The following HDAC9 variants were observed in gnomAD, a reference collection of about 807,000 sequenced individuals.
The protein encoded by HDAC9 is histone deacetylase 9.
In HDAC9, 41 loss-of-function variants were observed where a neutral mutation model predicts 139.4. That is an observed-to-expected ratio of 0.29 (90% CI 0.23 to 0.38). The LOEUF (loss-of-function observed/expected upper bound fraction) is 0.38. HDAC9 is among the 10% of genes least tolerant of loss of function. HDAC9 has a pLI of 1.00. For synonymous variants in HDAC9, 517 were observed against 476.2 expected (o/e 1.09, Z -1.12); for missense variants, 1,147 against 1,297.0 (o/e 0.88, Z 1.78).
intron 1 of HDAC9, among the ~76,000 whole-genome samples, chr7:18,478,295 TCTC>T (rs1795283474): frequency 6.6e-6 from 1 of 152,110 alleles, no homozygotes; most frequent in East Asian, 1.9e-4. Context: ...ATGGTCTTGA[TCTC>T]CTGACCTCGG....
intron 1 of HDAC9, among the ~76,000 whole-genome samples, chr7:18,309,899 C>T (rs1799187031): frequency 6.6e-6 from 1 of 151,822 alleles, no homozygotes; most frequent in Non-Finnish European, 1.5e-5. Context: ...GGATGAAATC[C>T]AGGTGGTCCT....
chr7:18,453,770 T>C (rs904011167), intron 1 of HDAC9, among the ~76,000 whole-genome samples: 5 of 152,210 alleles, frequency 3.3e-5, no homozygotes, highest in Admixed American at 3.3e-4. Flanking sequence ...TCAGATATTT[T>C]ATGCAGGTAT....
intron 25 of HDAC9, among the ~76,000 whole-genome samples, chr7:18,982,553 C>T (rs933210246): frequency 9.9e-5 from 15 of 151,910 alleles, no homozygotes; most frequent in African/African-American, 3.6e-4. Context: ...TTTACCAATG[C>T]CACCCTCATA....
At position 18,319,211 on chromosome 7, in the gene HDAC9, G is replaced by A. The variant is rs555884731; in HGVS notation, c.-42+28696G>A. Among the ~76,000 whole-genome samples the A allele has an allele frequency of 2.0e-5, 3 of 152,332 alleles. No individual in the cohort carries two copies. The South Asian group carries it at 6.2e-4, about 32-fold the overall frequency. ...TTTCTTTTTATTCATACTAACTAGA[G>A]TAGTTTCTGTTGCTGGTGAAGATTT... On this transcript the variant is annotated intron_variant, in intron 1 of 3. Coordinates refer to the HDAC9 transcript ENST00000413509.
chr7:18,801,119 T>G (rs1442906506), intron 17 of HDAC9, among the ~76,000 whole-genome samples: 2 of 152,072 alleles, frequency 1.3e-5, no homozygotes, highest in Non-Finnish European at 2.9e-5. Flanking sequence ...TGTATTTCCT[T>G]ATTACATGGG....
At chr7:18,298,225 T>G (rs1357214224) in intron 1 of HDAC9, among the ~76,000 whole-genome samples, 2 of 152,132 alleles carry the variant, frequency 1.3e-5, no homozygotes, top group Non-Finnish European at 2.9e-5. Flanking sequence ...TTCTGATCCA[T>G]ATTTATCTAA....
chr7:18,868,617 C>T (rs1798670918), intron 21 of HDAC9, among the ~76,000 whole-genome samples: 1 of 152,092 alleles, frequency 6.6e-6, no homozygotes, highest in East Asian at 1.9e-4. Flanking sequence ...TCATAACTCC[C>T]ATAGTTCTTG....
intron 2 of HDAC9, among the ~76,000 whole-genome samples, chr7:18,542,946 A>G (rs1309098701): frequency 2.0e-5 from 3 of 152,228 alleles, no homozygotes; most frequent in African/African-American, 7.2e-5. Context: ...GAAATAGCTC[A>G]TGGTATATTT....
At chr7:18,719,868 A>G (rs1785012120) in intron 12 of HDAC9, among the ~76,000 whole-genome samples, 1 of 152,186 alleles carries the variant, frequency 6.6e-6, no homozygotes, top group African/African-American at 2.4e-5. Context: ...TATTTGTTAC[A>G]AAGTCCTTCA....
At chr7:18,768,058 G>C (rs1030953824) in intron 16 of HDAC9, among the ~76,000 whole-genome samples, 32 of 152,082 alleles carry the variant, frequency 2.1e-4, no homozygotes, top group African/African-American at 7.5e-4. Context: ...GTAGCCTTTT[G>C]TTCCTTTGCT....
At chr7:18,523,467 A>G (rs898567267) in intron 2 of HDAC9, among the ~76,000 whole-genome samples, 1 of 152,198 alleles carries the variant, frequency 6.6e-6, no homozygotes, top group African/African-American at 2.4e-5. Flanking sequence ...CACATTCATA[A>G]CTGGGTAGAT....
chr7:18,553,919 G>A (rs1156707717), intron 2 of HDAC9, among the ~76,000 whole-genome samples: 1 of 152,166 alleles, frequency 6.6e-6, no homozygotes, highest in East Asian at 1.9e-4. Flanking sequence ...GGGACTTACA[G>A]TCTGGCTCAG....
intron 21 of HDAC9, among the ~76,000 whole-genome samples, chr7:18,859,066 G>T (rs1176831941): frequency 3.3e-5 from 5 of 152,136 alleles, no homozygotes; most frequent in Non-Finnish European, 7.3e-5. Flanking sequence ...TCCCAAGTCA[G>T]TCAGTTATTT....
chr7:18,990,288 T>C (rs556016929), intron 25 of HDAC9, among the ~76,000 whole-genome samples: 1 of 152,258 alleles, frequency 6.6e-6, no homozygotes, highest in Admixed American at 6.5e-5. Context: ...CAGCTGCAGG[T>C]CTGTTGGAGT....
At chr7:18,430,602 C>G (rs763834491) in intron 1 of HDAC9, 2 of 152,174 alleles carry the variant, frequency 1.3e-5, no homozygotes, top group African/African-American at 4.8e-5. Flanking sequence ...CCTCACCAGG[C>G]TGGGCATGGT....
chr7:18,977,472 C>T (rs752703214), intron 25 of HDAC9, among the ~76,000 whole-genome samples: 2 of 152,084 alleles, frequency 1.3e-5, no homozygotes, highest in African/African-American at 4.8e-5. Flanking sequence ...GAATAATTAA[C>T]AATAATAAGT....
chr7:18,771,331 A>G (rs534998514), intron 16 of HDAC9, among the ~76,000 whole-genome samples: 1 of 152,066 alleles, frequency 6.6e-6, no homozygotes, highest in Admixed American at 6.6e-5. Context: ...GGGGAAGGGG[A>G]GATGGGGAGA....
At chr7:18,955,621 G>A (rs1783095245) in intron 24 of HDAC9, among the ~76,000 whole-genome samples, 1 of 152,112 alleles carries the variant, frequency 6.6e-6, no homozygotes, top group South Asian at 2.1e-4. Context: ...GTTATGAAGA[G>A]GAATAAGACA....
intron 12 of HDAC9, among the ~76,000 whole-genome samples, chr7:18,707,854 AGTGT>A (rs61496259): frequency 2.6e-4 from 39 of 149,654 alleles, no homozygotes; most frequent in South Asian, 6.4e-4. Flanking sequence ...AGGGGAAAGG[AGTGT>A]GTGTGTGTGT....
Sources: gnomAD v4.1 joint callset for allele counts (sites outside exome capture counted in the v4.1 genomes callset) on GRCh38, gnomAD v4.1.1 for gene constraint, MANE v1.5 for transcripts, NCBI Gene and HGNC (gene_info 2026-07-23, HGNC 2026-07-21) for gene names.